Variants in EPB41L1 observed in about 807,000 individuals in gnomAD.
EPB41L1 encodes the protein band 4.1-like protein 1.
EPB41L1 carries 29 observed loss-of-function variants against 97.8 expected under a neutral mutation model. The observed-to-expected ratio is 0.30, with a 90% CI of 0.22 to 0.40. The LOEUF is 0.40. EPB41L1 is among the 10% of genes least tolerant of loss of function. The probability of loss-of-function intolerance (pLI) is 1.00; values close to 1 mark genes in which losing one functional copy is unlikely to be tolerated. For missense variants in EPB41L1, 812 were observed against 1,162.3 expected, an observed-to-expected ratio of 0.70 and a Z score of 4.38; for synonymous variants, 383 against 459.2, an observed-to-expected ratio of 0.83 and a Z score of 2.12.
chr20:36,104,959 G>A (rs1048399610), intron 1 of EPB41L1, among the ~76,000 whole-genome samples: 11 of 152,172 alleles, frequency 7.2e-5, no homozygotes, highest in Non-Finnish European at 1.6e-4. Flanking sequence ...ACAAGCAAAC[G>A]TTAAGCTGGG....
chr20:36,206,722 C>T lies in EPB41L1; in HGVS notation c.1669-2766C>T, dbSNP rs1438177854. The T allele has an allele frequency of 9.3e-6, 12 of 1,289,748 alleles. No individual in the cohort carries two copies. Among genetic ancestry groups the T allele is most frequent in the Admixed American group, 2.3e-5 (1 of 43,554 alleles). 79.9% of individuals were successfully genotyped at this position (1,289,748 alleles called of 1,614,324 possible). ...TGACCTGAAGGGATCTCCCGCAGGACAGACGTTTGCTGAAGGCTGGGAAGA... is the reference window on the plus strand; with the variant it reads ...TGACCTGAAGGGATCTCCCGCAGGATAGACGTTTGCTGAAGGCTGGGAAGA... On this transcript the variant is annotated intron_variant, in intron 14 of 21. Transcript: ENST00000338074. The surrounding 1 kb of genome is among the most constrained non-coding windows in gnomAD (Gnocchi z 5.5).
At chr20:36,161,918 G>A (rs759217518) in intron 1 of EPB41L1, among the ~76,000 whole-genome samples, 4 of 152,054 alleles carry the variant, frequency 2.6e-5, no homozygotes, top group South Asian at 2.1e-4. Flanking sequence ...ACCCCACCAT[G>A]CCCGGCTAAT....
intron 6 of EPB41L1, 41 bp from the exon 7 acceptor site, chr20:36,185,076 A>G: frequency 6.3e-7 from 1 of 1,591,612 alleles, no homozygotes; most frequent in South Asian, 1.1e-5. Context: ...TCTAGGGAGG[A>G]GTAGGGCCCT....
At chr20:36,179,702 C>G (rs2061398518) in intron 5 of EPB41L1, among the ~76,000 whole-genome samples, 1 of 152,246 alleles carries the variant, frequency 6.6e-6, no homozygotes, top group African/African-American at 2.4e-5. Context: ...CCTGAACTCC[C>G]TGGTCCCCTG....
intron 21 of EPB41L1, among the ~76,000 whole-genome samples, chr20:36,225,011 G>A (rs1017835845): frequency 1.3e-5 from 2 of 152,110 alleles, no homozygotes; most frequent in African/African-American, 2.4e-5. Flanking sequence ...TAGTAGAGAC[G>A]GGGTTTCACC....
At position 36,230,436 on chromosome 20, in the gene EPB41L1, G is replaced by A. The variant is rs1208614849; in HGVS notation, c.*1096G>A. On this transcript the variant is annotated 3_prime_UTR_variant, in exon 22 of 22. Coordinates refer to ENST00000338074, the MANE Select transcript of EPB41L1 (RefSeq NM_012156.2). ...CCAGCTAAGGAGACCTGGACTCTGG[G>A]TGTGGGTTGGCTCACAGTAGGGGCT... 6.6e-6 allele frequency: 1 copy of A among 152,602 alleles called. No homozygotes were observed. Among genetic ancestry groups the A allele is most frequent in the African/African-American group, 2.4e-5 (1 of 41,384 alleles). 9.5% of individuals were successfully genotyped at this position (152,602 alleles called of 1,614,324 possible).
chr20:36,138,148 CT>C (rs1473217992), intron 2 of EPB41L1, among the ~76,000 whole-genome samples: 2 of 152,160 alleles, frequency 1.3e-5, no homozygotes, highest in African/African-American at 4.8e-5. Context: ...CACCTCTTGG[CT>C]ATGTGAATAA....
In EPB41L1 at chr20:36,136,999, C is replaced by T. The variant is rs193136732; in HGVS notation, c.-10+24519C>T. Among the ~76,000 whole-genome samples the T allele has an allele frequency of 1.6e-3, 246 of 152,268 alleles. 1 individual carries two copies. Among genetic ancestry groups the T allele is most frequent in the Admixed American group, 8.3e-3 (127 of 15,302 alleles). ...GCTCAAATGGTCCTCCCATCTCATC[C>T]TCCCAAGTAGCTGGGACTACACATG... On this transcript the variant is annotated intron_variant, in intron 2 of 19. Transcript: ENST00000202028.
intron 1 of EPB41L1, among the ~76,000 whole-genome samples, chr20:36,101,936 C>T (rs982335618): frequency 1.3e-5 from 2 of 151,824 alleles, no homozygotes; most frequent in Non-Finnish European, 1.5e-5. Context: ...ACCTGGGAGG[C>T]GGAGGTTGCA....
At chr20:36,112,258 G>A (rs1249677350) in intron 1 of EPB41L1, among the ~76,000 whole-genome samples, 1 of 152,160 alleles carries the variant, frequency 6.6e-6, no homozygotes, top group African/African-American at 2.4e-5. Flanking sequence ...GTGCATATTT[G>A]TTACTTTCTA....
chr20:36,192,641 T>C (rs2062017085), intron 11 of EPB41L1, among the ~76,000 whole-genome samples: 2 of 151,912 alleles, frequency 1.3e-5, no homozygotes, highest in East Asian at 3.9e-4. Flanking sequence ...GTTCTACTTA[T>C]ATTTTCTGAG....
chr20:36,207,411 G>A lies in EPB41L1; in HGVS notation c.1669-2077G>A. On this transcript the variant is annotated intron_variant, in intron 14 of 21. Coordinates refer to ENST00000338074, the MANE Select transcript of EPB41L1 (RefSeq NM_012156.2). The surrounding 1 kb of genome is among the most constrained non-coding windows in gnomAD (Gnocchi z 4.9). ...CCTCTTTCCAGGCTGGGGACCAAGA[G>A]GGCTCCCTAGAAGATATTAGCAAGA... 7.8e-7 allele frequency: 1 copy of A among 1,289,796 alleles called. No homozygotes were observed. Among genetic ancestry groups the A allele is most frequent in the Non-Finnish European group, 1.0e-6 (1 of 988,850 alleles). 79.9% of individuals were successfully genotyped at this position (1,289,796 alleles called of 1,614,324 possible).
At chr20:36,213,438 C>A (rs924599294) in intron 16 of EPB41L1, among the ~76,000 whole-genome samples, 1 of 152,052 alleles carries the variant, frequency 6.6e-6, no homozygotes. Flanking sequence ...TAAACCAATA[C>A]AACATGGGCA....
chr20:36,142,468 C>T (rs1434269111), intron 2 of EPB41L1, among the ~76,000 whole-genome samples: 1 of 152,216 alleles, frequency 6.6e-6, no homozygotes, highest in Non-Finnish European at 1.5e-5. Context: ...AAACGGTATG[C>T]ACACTTTTAA....
intron 1 of EPB41L1, among the ~76,000 whole-genome samples, chr20:36,173,437 C>T (rs1050727713): frequency 2.6e-5 from 4 of 152,300 alleles, no homozygotes; most frequent in East Asian, 3.9e-4. Context: ...TGCCTGGAGG[C>T]GGCCACTGGC....
At chr20:36,187,565 C>CT in intron 7 of EPB41L1, 111 bp from the exon 8 acceptor site, 1 of 859,198 alleles carries the variant, frequency 1.2e-6, no homozygotes, top group Admixed American at 2.0e-5. Context: ...GGGTGAGGCT[C>CT]AGCATATTTG....
At chr20:36,113,302 A>G (rs1394659364) in intron 2 of EPB41L1, among the ~76,000 whole-genome samples, 2 of 152,174 alleles carry the variant, frequency 1.3e-5, no homozygotes, top group Admixed American at 6.5e-5. Flanking sequence ...TGATGTTATT[A>G]GTAAGGCACA....
chr20:36,189,546 C>A (rs1224036886), intron 9 of EPB41L1, among the ~76,000 whole-genome samples: 1 of 152,164 alleles, frequency 6.6e-6, no homozygotes, highest in African/African-American at 2.4e-5. Context: ...AAAGTATCTC[C>A]CCCTCTCGCT....
chr20:36,120,947 T>C (rs2058731235), intron 2 of EPB41L1, among the ~76,000 whole-genome samples: 1 of 152,080 alleles, frequency 6.6e-6, no homozygotes, highest in South Asian at 2.1e-4. Flanking sequence ...TTAATGTCCC[T>C]ATAAAAGATC....
Sources: gnomAD v4.1 joint callset for allele counts (sites outside exome capture counted in the v4.1 genomes callset) on GRCh38, gnomAD v4.1.1 for gene constraint, Gnocchi (gnomAD v3.1) non-coding constraint, MANE v1.5 for transcripts, NCBI Gene and HGNC (gene_info 2026-07-23, HGNC 2026-07-21) for gene names.